GNB1: variants seen among roughly 807,000 people sequenced by gnomAD.
GNB1 encodes guanine nucleotide-binding protein G(I)/G(S)/G(T) subunit beta-1.
A neutral mutation model predicts 42.9 loss-of-function variants in GNB1; 2 were observed. That is an observed-to-expected ratio of 0.05 (90% confidence interval 0.02 to 0.15). GNB1 has a LOEUF of 0.15. Ranked by LOEUF, GNB1 falls within the 10% of genes least tolerant of loss-of-function variation. The pLI is 1.00. For synonymous variants in GNB1, 183 were observed against 174.7 expected, an observed-to-expected ratio of 1.05 and a Z score of -0.38; for missense variants, 193 against 462.2, an observed-to-expected ratio of 0.42 and a Z score of 5.34.
At chr1:1,855,391 C>T (rs1347066716) in intron 1 of GNB1, among the ~76,000 whole-genome samples, 1 of 150,868 alleles carries the variant, frequency 6.6e-6, no homozygotes, top group Non-Finnish European at 1.5e-5. Flanking sequence ...CCAGCAATGA[C>T]TTAAAAAGCA....
chr1:1,862,239 A>G (rs1490030728), intron 1 of GNB1, among the ~76,000 whole-genome samples: 1 of 152,206 alleles, frequency 6.6e-6, no homozygotes, highest in Non-Finnish European at 1.5e-5. Flanking sequence ...ATAACTAAGT[A>G]AAGTGTATAT....
At chr1:1,881,752 A>G (rs1408432475) in intron 1 of GNB1, among the ~76,000 whole-genome samples, 2 of 152,140 alleles carry the variant, frequency 1.3e-5, no homozygotes, top group Non-Finnish European at 2.9e-5. Flanking sequence ...TCCAGGTCTA[A>G]CCACTCTCCT....
chr1:1,849,529 C>T (rs1647866543), intron 1 of GNB1, among the ~76,000 whole-genome samples: 1 of 152,118 alleles, frequency 6.6e-6, no homozygotes, highest in African/African-American at 2.4e-5. Context: ...ACTTCAGTCT[C>T]CTGAGTAGCT....
chr1:1,859,166 C>T (rs1235701853), intron 1 of GNB1, among the ~76,000 whole-genome samples: 2 of 151,966 alleles, frequency 1.3e-5, no homozygotes, highest in African/African-American at 2.4e-5. Context: ...GGATTAGAGG[C>T]ATGCACCACA....
chr1:1,886,637 C>T (rs940992841), intron 1 of GNB1, among the ~76,000 whole-genome samples: 6 of 152,190 alleles, frequency 3.9e-5, no homozygotes, highest in Admixed American at 1.3e-4. Context: ...GAATTGCCTA[C>T]TTCATAATCT....
At chr1:1,822,869 T>C (rs1006092111) in intron 3 of GNB1, among the ~76,000 whole-genome samples, 1 of 152,204 alleles carries the variant, frequency 6.6e-6, no homozygotes, top group South Asian at 2.1e-4. Context: ...GAACAACTTA[T>C]AGCTGTCAGA....
chr1:1,829,129 T>C (rs529402362), intron 2 of GNB1, among the ~76,000 whole-genome samples: 151 of 152,338 alleles, frequency 9.9e-4, no homozygotes, highest in African/African-American at 3.3e-3. Context: ...CAATCTCTGC[T>C]CACTGCAACC....
rs1046178333 is a variant in GNB1 at position 1,890,882 on chromosome 1, C to T, written c.-158G>A. 2.0e-5 allele frequency: 3 copies of T among 147,190 alleles called. No individual in the cohort carries two copies. The highest frequency in any genetic ancestry group is 7.3e-5 in the African/African-American group (3 of 40,862). The allele number at this position is 147,190 out of a possible 1,614,324, so 9.1% of individuals were successfully genotyped here. A position where few individuals can be genotyped will look rare whatever the true frequency, so the allele number is the denominator to read the frequency against. On this transcript the variant is annotated 5_prime_UTR_variant, in exon 1 of 12. Transcript: ENST00000378609. The stretch of plus-strand genomic sequence containing the variant: ...CCGCCTCGGCCGCCGCTCGGCAGGT[C>T]GTCGCGCTCGGGCCGCGCTGCGCGC...
chr1:1,807,483 A>AC (rs1646716367), intron 5 of GNB1, among the ~76,000 whole-genome samples: 1 of 148,874 alleles, frequency 6.7e-6, no homozygotes, highest in Non-Finnish European at 1.5e-5. Context: ...AAAAAAAAAA[A>AC]AAAAAAAAAA....
intron 7 of GNB1, among the ~76,000 whole-genome samples, chr1:1,797,177 C>T (rs1646557579): frequency 6.6e-6 from 1 of 152,144 alleles, no homozygotes; most frequent in African/African-American, 2.4e-5. Context: ...AACCATCCAT[C>T]TACAAGGATG....
intron 7 of GNB1, chr1:1,793,609 T>C (rs1443714639): frequency 1.3e-5 from 3 of 222,380 alleles, no homozygotes; most frequent in African/African-American, 2.3e-5. Context: ...GCTTTACTGT[T>C]TGACCCATCA....
intron 2 of GNB1, among the ~76,000 whole-genome samples, chr1:1,827,215 C>T (rs1404772529): frequency 3.9e-5 from 6 of 152,140 alleles, no homozygotes; most frequent in Non-Finnish European, 7.3e-5. Flanking sequence ...TAAAGGAATT[C>T]GAATAACCTA....
In GNB1 at chr1:1,790,336, A is replaced by G. The variant is rs759029020; in HGVS notation, c.699+59T>C. On this transcript the variant is annotated intron_variant, in intron 9 of 11. Coordinates refer to ENST00000378609, the MANE Select transcript of GNB1 (RefSeq NM_002074.5). This position sits in a 1 kb window ranked among gnomAD's most constrained non-coding sequence, Gnocchi z 5.4. ...ATCCAGAAAAGTTTAAAATTTAGCA[A>G]TCTGAACGGCTAGCAGAGACGGCAG... 6.3e-5 allele frequency: 75 copies of G among 1,190,862 alleles called. No homozygotes were observed. Among genetic ancestry groups the G allele is most frequent in the Non-Finnish European group, 8.7e-5 (69 of 795,610 alleles). The allele number at this position is 1,190,862 out of a possible 1,614,324, so 73.8% of individuals were successfully genotyped here. A position where few individuals can be genotyped will look rare whatever the true frequency, so the allele number is the denominator to read the frequency against.
At position 1,845,834 on chromosome 1, in the gene GNB1, C is replaced by T. The variant is rs12758372; in HGVS notation, c.-95-6596G>A. Among the ~76,000 whole-genome samples, 3 of 56,334 alleles carry T rather than the reference C, an allele frequency of 5.3e-5. No homozygotes were observed. In the East Asian group the frequency reaches 1.4e-3, roughly 25 times the overall value. 37.0% of individuals were successfully genotyped at this position (56,334 alleles called of 152,430 possible). On this transcript the variant is annotated intron_variant, in intron 1 of 11. Coordinates refer to ENST00000378609, the MANE Select transcript of GNB1 (RefSeq NM_002074.5). ...TTGTGTGTAAGTCCATACACACACA[C>T]ACACACACACACACACACACACACA...
chr1:1,862,091 G>A (rs997700270), intron 1 of GNB1, among the ~76,000 whole-genome samples: 12 of 151,934 alleles, frequency 7.9e-5, no homozygotes, highest in Non-Finnish European at 1.3e-4. Flanking sequence ...GTGTGGTGGC[G>A]CACACCTGTA....
chr1:1,855,682 G>C (rs1021588631), intron 1 of GNB1, among the ~76,000 whole-genome samples: 2 of 151,950 alleles, frequency 1.3e-5, no homozygotes, highest in Non-Finnish European at 2.9e-5. Flanking sequence ...CTCCAGCCTG[G>C]GTGACAGCGA....
At chr1:1,888,506 T>C (rs754173375) in intron 1 of GNB1, among the ~76,000 whole-genome samples, 12 of 152,082 alleles carry the variant, frequency 7.9e-5, no homozygotes, top group Admixed American at 7.9e-4. Context: ...GACCCTGCAG[T>C]TGCAGTTCAT....
chr1:1,882,426 C>CAAAAAA (rs5772052), intron 1 of GNB1, among the ~76,000 whole-genome samples: 43 of 71,588 alleles, frequency 6.0e-4, no homozygotes, highest in African/African-American at 1.6e-3. Context: ...GACTCCAACT[C>CAAAAAA]AAAAAAAAAA....
chr1:1,846,482 G>A (rs564472262), intron 1 of GNB1, among the ~76,000 whole-genome samples: 3 of 152,224 alleles, frequency 2.0e-5, no homozygotes, highest in Non-Finnish European at 2.9e-5. Flanking sequence ...CAGAAGGATC[G>A]CTTGAACCCA....
Sources: gnomAD v4.1 joint callset for allele counts (sites outside exome capture counted in the v4.1 genomes callset) on GRCh38, gnomAD v4.1.1 for gene constraint, Gnocchi (gnomAD v3.1) non-coding constraint, MANE v1.5 for transcripts, NCBI Gene and HGNC (gene_info 2026-07-23, HGNC 2026-07-21) for gene names.